The following NRG1 variants were observed in gnomAD, a reference collection of about 807,000 sequenced individuals.
The protein encoded by NRG1 is neuregulin 1.
Under a neutral mutation model 63.8 loss-of-function variants are expected in NRG1, and 18 were observed. The ratio of observed to expected loss-of-function variants is 0.28; its 90% CI spans 0.19 to 0.42. NRG1 has a LOEUF of 0.42. Among genes scored for constraint, NRG1 ranks in the 10% least tolerant of loss-of-function variants. The pLI, the probability that NRG1 is intolerant of heterozygous loss-of-function variation, is 1.00. For missense variants in NRG1, 762 were observed against 814.7 expected (o/e 0.94, Z 0.79); for synonymous variants, 302 against 301.3 (o/e 1.00, Z -0.02).
Position 32,596,011 on chromosome 8 carries a change from T to G in NRG1, c.278+6T>G. 1 of 1,609,836 alleles carries G rather than the reference T, an allele frequency of 6.2e-7. No homozygotes were observed. The highest frequency in any genetic ancestry group is 1.1e-5 in the South Asian group (1 of 90,664). ...AAGATACAAAAAAAGCCAGGGTAAG[T>G]ATAATGCATAAAATAGTAGAGACTG... On this transcript the variant is annotated splice_donor_region_variant and intron_variant, in intron 2 of 11. Coordinates refer to ENST00000356819, the Ensembl canonical transcript of NRG1.
chr8:32,134,749 C>A (rs1267386217), intron 1 of NRG1, among the ~76,000 whole-genome samples: 2 of 152,034 alleles, frequency 1.3e-5, no homozygotes, highest in African/African-American at 4.8e-5. Flanking sequence ...GGCACAGTGG[C>A]TCATGGCTGT....
intron 1 of NRG1, among the ~76,000 whole-genome samples, chr8:31,830,804 C>T (rs1472669563): frequency 6.6e-6 from 1 of 152,220 alleles, no homozygotes; most frequent in South Asian, 2.1e-4. Context: ...AACTTCTGAG[C>T]TTCAATGTGA....
At chr8:31,857,051 A>T (rs374704360) in intron 1 of NRG1, among the ~76,000 whole-genome samples, 9,072 of 147,814 alleles carry the variant, frequency 0.061, 346 homozygotes, top group Admixed American at 0.12. Flanking sequence ...CTGCAGAGGT[A>T]ACTGCTGTCT....
chr8:32,502,555 C>A (rs1035311436), intron 1 of NRG1, among the ~76,000 whole-genome samples: 6 of 150,854 alleles, frequency 4.0e-5, no homozygotes, highest in Middle Eastern at 3.4e-3. Flanking sequence ...CTCTCTCTCT[C>A]TCTTTCACTG....
chr8:32,359,926 G>A (rs73250425), intron 1 of NRG1, among the ~76,000 whole-genome samples: 1 of 152,248 alleles, frequency 6.6e-6, no homozygotes, highest in Non-Finnish European at 1.5e-5. Flanking sequence ...AGCACCAATG[G>A]CATATGAGTG....
chr8:32,354,138 G>A (rs540688717), intron 1 of NRG1, among the ~76,000 whole-genome samples: 1 of 152,282 alleles, frequency 6.6e-6, no homozygotes, highest in South Asian at 2.1e-4. Context: ...GGAGGCTGAG[G>A]TGGGCAGATC....
chr8:32,754,454 G>A (rs762773599), exon 8 of NRG1: 1 of 1,613,664 alleles, frequency 6.2e-7, no homozygotes, highest in African/African-American at 1.3e-5. Context: ...TCATGTGTGT[G>A]GTGGCCTACT....
At chr8:31,844,345 T>C (rs903766482) in intron 1 of NRG1, among the ~76,000 whole-genome samples, 1 of 152,176 alleles carries the variant, frequency 6.6e-6, no homozygotes, top group Admixed American at 6.5e-5. Context: ...CATGGGCAGC[T>C]CTCTGAGATT....
At chr8:32,728,616 T>TA (rs1390493145) in intron 6 of NRG1, 9 of 984,500 alleles carry the variant, frequency 9.1e-6, no homozygotes, top group African/African-American at 1.7e-5. Flanking sequence ...ATATTGCTAG[T>TA]AAAAAAAGAG....
intron 1 of NRG1, among the ~76,000 whole-genome samples, chr8:32,290,677 T>G (rs1371310553): frequency 6.6e-6 from 1 of 152,212 alleles, no homozygotes; most frequent in African/African-American, 2.4e-5. Flanking sequence ...CTAAACCTTC[T>G]GCCGACCCAC....
chr8:32,485,644 C>T (rs1825812956), intron 1 of NRG1, among the ~76,000 whole-genome samples: 1 of 152,200 alleles, frequency 6.6e-6, no homozygotes, highest in Non-Finnish European at 1.5e-5. Flanking sequence ...AAATTAACTA[C>T]TAGTTTGTTT....
At chr8:32,503,492 A>G (rs967433871) in intron 1 of NRG1, among the ~76,000 whole-genome samples, 1 of 152,138 alleles carries the variant, frequency 6.6e-6, no homozygotes, top group African/African-American at 2.4e-5. Flanking sequence ...TAAAACAGTT[A>G]TTGTTGAAAT....
intron 1 of NRG1, among the ~76,000 whole-genome samples, chr8:32,364,960 T>TTTC (rs1807754298): frequency 7.1e-6 from 1 of 140,694 alleles, no homozygotes; most frequent in Admixed American, 7.1e-5. Context: ...TTTACTACTT[T>TTTC]TTTTTTTTTT....
intron 1 of NRG1, among the ~76,000 whole-genome samples, chr8:32,595,585 A>G (rs530935703): frequency 6.6e-6 from 1 of 152,290 alleles, no homozygotes; most frequent in African/African-American, 2.4e-5. Flanking sequence ...GAAACTATCT[A>G]GAATTTTTTT....
intron 1 of NRG1, among the ~76,000 whole-genome samples, chr8:31,907,019 T>C (rs931949282): frequency 2.6e-5 from 4 of 152,142 alleles, no homozygotes; most frequent in African/African-American, 7.2e-5. Context: ...AGTTTACTGA[T>C]CCCAACAGAG....
At chr8:32,659,141 CTTTTCTTTTT>C (rs960158231) in intron 5 of NRG1, among the ~76,000 whole-genome samples, 1 of 115,850 alleles carries the variant, frequency 8.6e-6, no homozygotes, top group African/African-American at 3.5e-5. Context: ...CTTTTCTTTT[CTTTTCTTTTT>C]TTTTTTTTTT....
intron 1 of NRG1, among the ~76,000 whole-genome samples, chr8:32,170,407 G>T (rs1179295335): frequency 6.6e-6 from 1 of 152,152 alleles, no homozygotes; most frequent in Non-Finnish European, 1.5e-5. Flanking sequence ...GGGAAGGGGA[G>T]GAATATCCAC....
At chr8:31,906,841 T>C (rs991090413) in intron 1 of NRG1, among the ~76,000 whole-genome samples, 1 of 151,942 alleles carries the variant, frequency 6.6e-6, no homozygotes, top group Non-Finnish European at 1.5e-5. Context: ...TCAAGTGAAA[T>C]GGACACAAAC....
chr8:32,743,601 T>C (rs2129041489), intron 7 of NRG1, among the ~76,000 whole-genome samples: 1 of 145,046 alleles, frequency 6.9e-6, no homozygotes, highest in South Asian at 2.2e-4. Context: ...TATATAAAAC[T>C]TAATAACTTA....
Sources: gnomAD v4.1 joint callset for allele counts (sites outside exome capture counted in the v4.1 genomes callset) on GRCh38, gnomAD v4.1.1 for gene constraint, MANE v1.5 for transcripts, NCBI Gene and HGNC (gene_info 2026-07-23, HGNC 2026-07-21) for gene names.